The following CENPE variants were observed in gnomAD, a reference collection of about 807,000 sequenced individuals.
The protein encoded by CENPE is centromere-associated protein E.
CENPE carries 145 observed loss-of-function variants against 336.1 expected under a neutral mutation model. The observed-to-expected ratio is 0.43, with a 90% CI of 0.38 to 0.50. CENPE has a LOEUF of 0.50. Among genes scored for constraint, CENPE ranks in the 20% least tolerant of loss-of-function variants. CENPE has a pLI of 0.00. For synonymous variants in CENPE, 1,013 were observed against 984.8 expected (o/e 1.03, Z -0.54); for missense variants, 2,719 against 3,023.3 (o/e 0.90, Z 2.36).
Position 103,153,149 on chromosome 4 carries a change from T to C in CENPE, c.3135A>G (p.Ile1045Met). 1 of 1,612,278 alleles carries C rather than the reference T, an allele frequency of 6.2e-7. No individual in the cohort carries two copies. Among genetic ancestry groups the C allele is most frequent in the Non-Finnish European group, 8.5e-7 (1 of 1,178,758 alleles). Residue 1045 changes from isoleucine to methionine, a missense_variant, in exon 25 of 49, where the codon ATA becomes ATG. Physicochemically the swap from Ile to Met is conservative, Grantham distance 10 (BLOSUM62 1). Around this residue, in one of 5 missense-constraint regions of CENPE, gnomAD observed 2,437 missense variants for 2,513.3 expected, o/e 0.97. Coordinates refer to ENST00000265148, the MANE Select transcript of CENPE (RefSeq NM_001813.3). ...CATTTTTCTCCTGTATTAAAGAAAA[T>C]ATCTTCCTTTGTTGCTCAATTATCT... ...DNEIIEQQRK[I>M]FSLIQEKNEL... is the part of the protein sequence containing the mutation.
intron 46 of CENPE, among the ~76,000 whole-genome samples, chr4:103,112,334 T>TATAC (rs927102685): frequency 1.4e-5 from 2 of 147,134 alleles, no homozygotes; most frequent in African/African-American, 2.5e-5. Context: ...TATATATATA[T>TATAC]ACACTTATAT....
At chr4:103,176,096 T>C (rs369878892) in intron 14 of CENPE, 48 bp from the exon 15 acceptor site, 42 of 1,148,634 alleles carry the variant, frequency 3.7e-5, no homozygotes, top group Non-Finnish European at 5.1e-5. Context: ...GTTTACCAAA[T>C]TTCCTAAGTC....
chr4:103,171,047 G>A (rs563730658), intron 16 of CENPE, among the ~76,000 whole-genome samples: 1 of 146,786 alleles, frequency 6.8e-6, no homozygotes, highest in African/African-American at 2.4e-5. Flanking sequence ...ATATTAATCT[G>A]AAGGAAGAGA....
At chr4:103,131,691 T>A (rs1751601945) in intron 42 of CENPE, among the ~76,000 whole-genome samples, 1 of 152,090 alleles carries the variant, frequency 6.6e-6, no homozygotes, top group African/African-American at 2.4e-5. Context: ...TGCCAAAACA[T>A]ACAAGCCACC....
chr4:103,182,863 A>G lies in CENPE; in HGVS notation c.862T>C (p.Leu288=). 6.2e-7 allele frequency: 1 copy of G among 1,612,814 alleles called. No homozygotes were observed. The highest frequency in any genetic ancestry group is 2.2e-5 in the East Asian group (1 of 44,752). Residue 288 remains leucine, a synonymous_variant, in exon 11 of 49, where the codon TTA becomes CTA. Coordinates refer to ENST00000265148, the MANE Select transcript of CENPE (RefSeq NM_001813.3). ...GGFINYRDSK[L]TRILQNSLGG... ...AAGGAATTCTGGAGAATTCGTGTTA[A>G]CTTGCTATCTCGATAATTTATGAAA...
intron 46 of CENPE, among the ~76,000 whole-genome samples, chr4:103,112,626 A>C (rs1200392245): frequency 7.5e-6 from 1 of 132,566 alleles, no homozygotes; most frequent in Non-Finnish European, 1.5e-5. Flanking sequence ...ATATACTTGT[A>C]AGTATATATA....
At chr4:103,136,553 T>G (rs1390702053) in intron 39 of CENPE, among the ~76,000 whole-genome samples, 194 bp from the exon 40 acceptor site, 2 of 152,220 alleles carry the variant, frequency 1.3e-5, no homozygotes, top group African/African-American at 2.4e-5. Flanking sequence ...ATAATTATTA[T>G]GGCAATTTAA....
Position 103,158,304 on chromosome 4 carries a change from T to G in CENPE, c.3029A>C (p.Gln1010Pro). Reference sequence around the variant, plus strand: ...CTGAAAATAAACACCCTTTACCTTTTGCTGAAATTCATCTTTAGTTTCTCC... The same window carrying G: ...CTGAAAATAAACACCCTTTACCTTTGGCTGAAATTCATCTTTAGTTTCTCC... ...NTGETKDEFQ[Q>P]KMVGIDKKQD... The change falls in exon 24 of 49, where the codon CAA becomes CCA. Residue 1010 changes from glutamine (Q) to proline (P), a missense_variant. Around this residue, in one of 5 missense-constraint regions of CENPE, gnomAD observed 2,437 missense variants for 2,513.3 expected, o/e 0.97. Transcript: ENST00000265148. The G allele has an allele frequency of 6.2e-7, 1 of 1,603,042 alleles. No homozygotes were observed. The highest frequency in any genetic ancestry group is 2.2e-5 in the East Asian group (1 of 44,630).
chr4:103,132,635 G>T, intron 42 of CENPE, 58 bp downstream of exon 42: 5 of 821,794 alleles, frequency 6.1e-6, no homozygotes, highest in Non-Finnish European at 9.5e-6. Flanking sequence ...TAAGAATGAG[G>T]TAGGACAATT....
Position 103,161,079 on chromosome 4 carries a change from A to G in CENPE, c.2131+7T>C. The G allele has an allele frequency of 1.3e-6, 2 of 1,572,184 alleles. No individual in the cohort carries two copies. The highest frequency in any genetic ancestry group is 1.7e-6 in the Non-Finnish European group (2 of 1,163,238). ...TTTGAAAAAAGATGTTTAAAATTACAAAATACCTTTTGGAACTTTGCCATC... is the reference window on the plus strand; with the variant it reads ...TTTGAAAAAAGATGTTTAAAATTACGAAATACCTTTTGGAACTTTGCCATC... On this transcript the variant is annotated splice_region_variant and intron_variant, in intron 20 of 48. Transcript: ENST00000265148.
Position 103,161,114 on chromosome 4 carries a change from G to C in CENPE, c.2103C>G (p.Thr701=). 1 of 1,603,460 alleles carries C rather than the reference G, an allele frequency of 6.2e-7. No individual in the cohort carries two copies. The highest frequency in any genetic ancestry group is 8.5e-7 in the Non-Finnish European group (1 of 1,176,452). ...QSAFNEITKL[T]SLIDGKVPKD... is the part of the protein sequence containing the mutation. The stretch of plus-strand genomic sequence containing the variant: ...TTGGAACTTTGCCATCTATAAGGGA[G>C]GTGAGTTTTGTTATCTCATTAAAAG... Residue 701 remains threonine, a synonymous_variant, in exon 20 of 49, where the codon ACC becomes ACG. Coordinates refer to ENST00000265148, the MANE Select transcript of CENPE (RefSeq NM_001813.3).
Position 103,163,160 on chromosome 4 carries a change from T to C in CENPE, c.1819A>G (p.Lys607Glu). Residue 607 changes from lysine to glutamate, a missense_variant, in exon 18 of 49, where the codon AAA becomes GAA. Coordinates refer to ENST00000265148, the MANE Select transcript of CENPE (RefSeq NM_001813.3). ...ACCAATGAGTATGACAAGTCCATTT[T>C]TATATTTTCTAGCTTTTGAGAGTCT... is the stretch of plus-strand genomic sequence containing the variant. ...YIDSQKLENIKMDLSYSLESI... is the reference protein window; with the variant it reads ...YIDSQKLENIEMDLSYSLESI... 3 of 1,609,784 alleles carry C rather than the reference T, an allele frequency of 1.9e-6. No homozygotes were observed. Among genetic ancestry groups the C allele is most frequent in the Non-Finnish European group, 2.5e-6 (3 of 1,178,224 alleles).
chr4:103,177,118 T>C (rs1755938076), intron 13 of CENPE, 72 bp from the exon 14 acceptor site: 2 of 1,283,360 alleles, frequency 1.6e-6, no homozygotes, highest in South Asian at 2.9e-5. Flanking sequence ...GGAACTAGTT[T>C]CTATTTTTGA....
At chr4:103,152,598 C>G (rs958979432) in intron 25 of CENPE, among the ~76,000 whole-genome samples, 17 of 151,870 alleles carry the variant, frequency 1.1e-4, no homozygotes, top group African/African-American at 4.1e-4. Context: ...TCAAAATAGC[C>G]AAATACTGAA....
intron 41 of CENPE, 64 bp from the exon 42 acceptor site, chr4:103,132,960 TTA>T (rs56951110): frequency 0.019 from 2,766 of 146,034 alleles, 17 homozygotes; most frequent in Non-Finnish European, 0.024. Context: ...AATATTTTAT[TTA>T]TATATATATA....
chr4:103,180,113 G>C (rs977790443), intron 13 of CENPE, among the ~76,000 whole-genome samples, 198 bp downstream of exon 13: 1 of 152,078 alleles, frequency 6.6e-6, no homozygotes, highest in Admixed American at 6.5e-5. Flanking sequence ...CAAACTTGTT[G>C]AATTAGAATC....
chr4:103,116,507 GA>G, intron 45 of CENPE, 69 bp downstream of exon 45: 1 of 649,858 alleles, frequency 1.5e-6, no homozygotes, highest in Non-Finnish European at 2.5e-6. Flanking sequence ...GTTAACTAAT[GA>G]AAAGTATATG....
At chr4:103,180,055 T>C (rs1379662080) in intron 13 of CENPE, among the ~76,000 whole-genome samples, 1 of 152,238 alleles carries the variant, frequency 6.6e-6, no homozygotes, top group Non-Finnish European at 1.5e-5. Context: ...CCAGTTTCTC[T>C]AGAATTTATT....
chr4:103,152,786 C>G (rs1274925680), intron 25 of CENPE, among the ~76,000 whole-genome samples: 1 of 152,044 alleles, frequency 6.6e-6, no homozygotes, highest in African/African-American at 2.4e-5. Context: ...GTGAACATAT[C>G]AGGACTGATA....
Sources: gnomAD v4.1 joint callset for allele counts (sites outside exome capture counted in the v4.1 genomes callset) on GRCh38, gnomAD v4.1.1 for gene constraint, gnomAD v4.1.1 regional missense constraint, MANE v1.5 for transcripts, NCBI Gene and HGNC (gene_info 2026-07-23, HGNC 2026-07-21) for gene names.